The following CSMD1 variants were observed in gnomAD, a reference collection of about 807,000 sequenced individuals.
The protein encoded by CSMD1 is CUB and Sushi multiple domains 1.
Under a neutral mutation model 417.5 loss-of-function variants are expected in CSMD1, and 213 were observed. The observed-to-expected ratio is 0.51, with a 90% CI of 0.46 to 0.57. CSMD1 has a LOEUF of 0.57. Ranked by LOEUF, CSMD1 falls within the 20% of genes least tolerant of loss-of-function variation. The pLI is 0.00. For synonymous variants in CSMD1, 2,862 were observed against 1,736.8 expected (o/e 1.65, Z -16.11); for missense variants, 6,923 against 4,529.7 (o/e 1.53, Z -15.17).
chr8:4,921,851 C>T (rs1230767859), intron 1 of CSMD1, among the ~76,000 whole-genome samples: 1 of 152,164 alleles, frequency 6.6e-6, no homozygotes, highest in Admixed American at 6.5e-5. Flanking sequence ...GTTACTCAAT[C>T]TGAGAGAAAA....
chr8:3,385,267 A>G (rs1485292243), intron 18 of CSMD1, among the ~76,000 whole-genome samples: 3 of 149,690 alleles, frequency 2.0e-5, no homozygotes, highest in Non-Finnish European at 4.4e-5. Flanking sequence ...ATGTGTATGT[A>G]TGAATATATA....
intron 5 of CSMD1, among the ~76,000 whole-genome samples, chr8:3,789,863 C>G (rs1416074226): frequency 6.6e-6 from 1 of 151,802 alleles, no homozygotes; most frequent in Non-Finnish European, 1.5e-5. Flanking sequence ...TCCCAAGTAG[C>G]TGGGACTACA....
chr8:3,467,047 A>C (rs1283047008), intron 12 of CSMD1, among the ~76,000 whole-genome samples: 2 of 152,212 alleles, frequency 1.3e-5, no homozygotes, highest in East Asian at 3.9e-4. Context: ...TTTTTATGAC[A>C]TCTCATGAAA....
At chr8:3,832,881 G>C (rs1315986529) in intron 5 of CSMD1, among the ~76,000 whole-genome samples, 2 of 152,128 alleles carry the variant, frequency 1.3e-5, no homozygotes, top group African/African-American at 4.8e-5. Context: ...AATCCAAGAA[G>C]AAAACCCATA....
chr8:4,313,445 C>A (rs1798742741), intron 3 of CSMD1, among the ~76,000 whole-genome samples: 1 of 151,088 alleles, frequency 6.6e-6, no homozygotes, highest in South Asian at 2.1e-4. Context: ...ATTTAATTCT[C>A]CTCTGAAAAT....
chr8:4,750,007 A>T (rs73175381), intron 1 of CSMD1, among the ~76,000 whole-genome samples: 5,426 of 151,758 alleles, frequency 0.036, 146 homozygotes, highest in Non-Finnish European at 0.048. Context: ...AAAAAATAAT[A>T]ATTATTATTA....
chr8:3,311,351 G>C (rs903654031), intron 23 of CSMD1, among the ~76,000 whole-genome samples: 2 of 152,096 alleles, frequency 1.3e-5, no homozygotes, highest in Admixed American at 6.6e-5. Context: ...CTGGGTTCCA[G>C]TGATTCTCCT....
At position 3,311,509 on chromosome 8, in the gene CSMD1, G is replaced by A. The variant is rs534267300; in HGVS notation, c.3632-3006C>T. On this transcript the variant is annotated intron_variant, in intron 23 of 69. Transcript: ENST00000635120. ...AAGTGATTTGCTTGCCTCGGTCTCC[G>A]AAAGTGCTGGAATTATAAGCATGAG... Among the ~76,000 whole-genome samples the A allele has an allele frequency of 1.2e-4, 18 of 152,204 alleles. No individual in the cohort carries two copies. In the East Asian group the frequency reaches 1.4e-3, roughly 11 times the overall value.
At chr8:3,156,779 A>C (rs1182667184) in intron 39 of CSMD1, among the ~76,000 whole-genome samples, 1 of 152,056 alleles carries the variant, frequency 6.6e-6, no homozygotes, top group Non-Finnish European at 1.5e-5. Flanking sequence ...ATAAAGTTGG[A>C]GTATGGCTGA....
chr8:3,895,518 C>T (rs546473476), intron 5 of CSMD1, among the ~76,000 whole-genome samples: 21 of 152,082 alleles, frequency 1.4e-4, no homozygotes, highest in African/African-American at 4.6e-4. Context: ...GTGTATCTAT[C>T]CTTAGGGAAT....
chr8:4,308,075 G>C (rs918684019), intron 3 of CSMD1, among the ~76,000 whole-genome samples: 4 of 152,142 alleles, frequency 2.6e-5, no homozygotes, highest in African/African-American at 7.2e-5. Flanking sequence ...TACACACTTT[G>C]GTCTTTATTC....
intron 2 of CSMD1, among the ~76,000 whole-genome samples, chr8:4,478,393 T>G (rs1800914346): frequency 6.6e-6 from 1 of 152,168 alleles, no homozygotes; most frequent in Non-Finnish European, 1.5e-5. Flanking sequence ...AAGTCCAAAG[T>G]ATTGAAATAC....
intron 3 of CSMD1, among the ~76,000 whole-genome samples, chr8:4,315,039 A>G (rs528682159): frequency 6.6e-6 from 1 of 152,228 alleles, no homozygotes; most frequent in African/African-American, 2.4e-5. Flanking sequence ...TCTAATCATG[A>G]CTGCGTTGGC....
At chr8:3,703,682 T>A (rs890398388) in intron 7 of CSMD1, among the ~76,000 whole-genome samples, 15 of 152,164 alleles carry the variant, frequency 9.9e-5, no homozygotes, top group East Asian at 7.7e-4. Flanking sequence ...GCCTGCAGGA[T>A]GTGCACGACT....
chr8:3,338,878 A>C (rs1224779445), intron 23 of CSMD1, among the ~76,000 whole-genome samples: 3 of 150,122 alleles, frequency 2.0e-5, no homozygotes, highest in Non-Finnish European at 4.4e-5. Flanking sequence ...GTACATGTGC[A>C]CATTGTGCAG....
At chr8:3,717,472 G>C (rs569527213) in intron 6 of CSMD1, among the ~76,000 whole-genome samples, 6 of 152,048 alleles carry the variant, frequency 3.9e-5, no homozygotes, top group Admixed American at 3.9e-4. Context: ...TGAAGATATT[G>C]TTGTAGGACG....
rs142664858 is a variant in CSMD1 at position 2,982,161 on chromosome 8, G to A, written c.8378-3361C>T. Among the ~76,000 whole-genome samples the A allele has an allele frequency of 3.2e-3, 492 of 152,228 alleles. 19 individuals carry two copies. In the East Asian group the frequency reaches 0.087, roughly 27 times the overall value. On this transcript the variant is annotated intron_variant, in intron 54 of 69. Transcript: ENST00000635120. ...ATTTGAGGTCAAGAGTTCGAGACCA[G>A]CCTGGCCAACACGGCGAAACCCCAT...
At chr8:3,853,482 G>T (rs186821742) in intron 5 of CSMD1, among the ~76,000 whole-genome samples, 1 of 152,132 alleles carries the variant, frequency 6.6e-6, no homozygotes, top group African/African-American at 2.4e-5. Context: ...CTTTGTCTAC[G>T]TTGTTCACAG....
At chr8:3,667,754 A>G (rs1798776450) in intron 7 of CSMD1, among the ~76,000 whole-genome samples, 1 of 152,208 alleles carries the variant, frequency 6.6e-6, no homozygotes, top group Non-Finnish European at 1.5e-5. Context: ...AGTTCTGAAA[A>G]GCAACCTTCA....
Sources: gnomAD v4.1 joint callset for allele counts (sites outside exome capture counted in the v4.1 genomes callset) on GRCh38, gnomAD v4.1.1 for gene constraint, MANE v1.5 for transcripts, NCBI Gene and HGNC (gene_info 2026-07-23, HGNC 2026-07-21) for gene names.